Variants in SYNE3 observed in about 807,000 individuals in gnomAD.
The protein encoded by SYNE3 is nesprin-3.
Under a neutral mutation model 111.2 loss-of-function variants are expected in SYNE3, and 100 were observed. The observed-to-expected ratio is 0.90, with a 90% CI of 0.77 to 1.06. The LOEUF is 1.06. Ranked by LOEUF, SYNE3 falls within the 50% of genes least tolerant of loss-of-function variation. SYNE3 has a pLI of 0.00. For missense variants in SYNE3, 1,160 were observed against 1,240.3 expected (o/e 0.94, Z 0.97); for synonymous variants, 547 against 533.9 (o/e 1.02, Z -0.34).
chr14:95,496,036 C>G (rs913847492), intron 1 of SYNE3, among the ~76,000 whole-genome samples: 5 of 152,232 alleles, frequency 3.3e-5, no homozygotes, highest in African/African-American at 1.2e-4. Flanking sequence ...TCATTCCACT[C>G]AGAGGGGCCG....
intron 4 of SYNE3, among the ~76,000 whole-genome samples, chr14:95,461,906 G>A (rs1012876348): frequency 2.6e-5 from 4 of 152,220 alleles, no homozygotes; most frequent in African/African-American, 9.6e-5. Flanking sequence ...TTGGGATGAG[G>A]CTAGAATCTT....
Position 95,467,893 on chromosome 14 carries a change from T to C in SYNE3, c.219A>G (p.Ala73=). Residue 73 remains alanine (A), a synonymous_variant, in exon 3 of 18, where the codon GCA becomes GCG. Transcript: ENST00000682763. ...CGGGCTTCTGGTCCCCAGGGCAGCA[T>C]GCCAAGAGGGCTTCAGCCATCCGTA... The part of the protein sequence containing the change: ...LVLRMAEALL[A]CCPGDQKPGI... The C allele has an allele frequency of 1.2e-6, 2 of 1,614,238 alleles. No homozygotes were observed. Among genetic ancestry groups the C allele is most frequent in the Non-Finnish European group, 1.7e-6 (2 of 1,180,042 alleles).
rs1287135089 is a variant in SYNE3, at chr14:95,417,791, G to A, written c.*35C>T. The stretch of plus-strand genomic sequence containing the variant: ...AGGAGGGGCCCTGGGACTGATGGAG[G>A]TTGGAGGAGAAAGTCACCTGTGTGC... On this transcript the variant is annotated 3_prime_UTR_variant, in exon 18 of 18. Transcript: ENST00000682763. The A allele has an allele frequency of 1.2e-6, 2 of 1,610,530 alleles. No homozygotes were observed. The highest frequency in any genetic ancestry group is 1.7e-6 in the Non-Finnish European group (2 of 1,176,684).
intron 1 of SYNE3, among the ~76,000 whole-genome samples, chr14:95,515,887 C>T (rs1258791631): frequency 6.6e-6 from 1 of 152,180 alleles, no homozygotes; most frequent in African/African-American, 2.4e-5. Context: ...GGACACTGCT[C>T]CCGGGTTGAC....
chr14:95,427,577 CCCT>C (rs1312499711), intron 17 of SYNE3, among the ~76,000 whole-genome samples: 1 of 145,710 alleles, frequency 6.9e-6, no homozygotes, highest in Non-Finnish European at 1.5e-5. Flanking sequence ...CTCTCTCTCT[CCCT>C]CTCTCTCCCT....
chr14:95,432,654 T>TTATTAC (rs1367224379), intron 16 of SYNE3, among the ~76,000 whole-genome samples: 3 of 148,244 alleles, frequency 2.0e-5, no homozygotes, highest in Non-Finnish European at 1.5e-5. Context: ...ATTATTATTA[T>TTATTAC]TATTATTATT....
At chr14:95,488,739 A>C (rs974030713) in intron 1 of SYNE3, among the ~76,000 whole-genome samples, 1 of 148,416 alleles carries the variant, frequency 6.7e-6, no homozygotes, top group Non-Finnish European at 1.5e-5. Context: ...AGGAGAGGAG[A>C]GGAGAGGAGA....
intron 4 of SYNE3, among the ~76,000 whole-genome samples, chr14:95,461,593 C>A (rs45608034): frequency 1.3e-5 from 2 of 152,152 alleles, no homozygotes; most frequent in East Asian, 3.9e-4. Flanking sequence ...ACATGATGGA[C>A]GTCAAAAATG....
intron 1 of SYNE3, among the ~76,000 whole-genome samples, chr14:95,494,371 G>A (rs552335507): frequency 2.6e-5 from 4 of 152,344 alleles, no homozygotes; most frequent in African/African-American, 9.6e-5. Context: ...TGTGAAGGAT[G>A]AGCAGGGTCT....
intron 8 of SYNE3, among the ~76,000 whole-genome samples, chr14:95,446,396 G>A (rs1376108430): frequency 1.6e-5 from 1 of 64,318 alleles, no homozygotes; most frequent in Non-Finnish European, 3.1e-5. Flanking sequence ...CCTCTGCCCC[G>A]ACTGCAGTGC....
chr14:95,445,848 C>G, intron 9 of SYNE3, 61 bp downstream of exon 9: 3 of 1,573,818 alleles, frequency 1.9e-6, no homozygotes, highest in Non-Finnish European at 2.6e-6. Flanking sequence ...TCTGCCTCCC[C>G]AGTGGGTGCT....
rs1207548238 is a variant in SYNE3, at chr14:95,485,441, A to T, written c.-14-9606T>A. On this transcript the variant is annotated intron_variant, in intron 1 of 17. Coordinates refer to ENST00000682763, the MANE Select transcript of SYNE3 (RefSeq NM_152592.6). The surrounding 1 kb of genome is among the most constrained non-coding windows in gnomAD (Gnocchi z 4.3). ...CATTCACTTGAGAGTGAGAACGCAC[A>T]CATTCCTCAGATGCCCTGAAGGTAA... 6.6e-6 allele frequency among the ~76,000 whole-genome samples: 1 copy of T among 152,120 alleles called. No homozygotes were observed. Among genetic ancestry groups the T allele is most frequent in the East Asian group, 1.9e-4 (1 of 5,190 alleles).
At chr14:95,499,854 G>GTTTTTTTTTTTTTTTTT (rs1890259277) in intron 1 of SYNE3, among the ~76,000 whole-genome samples, 2 of 53,758 alleles carry the variant, frequency 3.7e-5, no homozygotes, top group African/African-American at 1.9e-4. Context: ...ACTAACTCTT[G>GTTTTTTTTTTTTTTTTT]TCTTTTTTTT....
Position 95,416,734 on chromosome 14 carries a change from G to A in SYNE3, c.*1092C>T, listed in dbSNP as rs1202861860. The A allele has an allele frequency of 5.3e-5, 8 of 152,380 alleles. No individual in the cohort carries two copies. Among genetic ancestry groups the A allele is most frequent in the Admixed American group, 2.0e-4 (3 of 15,282 alleles). 9.4% of individuals were successfully genotyped at this position (152,380 alleles called of 1,614,324 possible). On this transcript the variant is annotated 3_prime_UTR_variant, in exon 18 of 18. Transcript: ENST00000682763. ...GTCTTTTCTGGGAAGCGGAAGGAGA[G>A]CCCTTGAGACAGGCTGAACTCCAAA...
intron 2 of SYNE3, among the ~76,000 whole-genome samples, chr14:95,474,961 T>G (rs1262449895): frequency 6.6e-6 from 1 of 152,222 alleles, no homozygotes; most frequent in East Asian, 1.9e-4. Context: ...CATTTGCAGA[T>G]GGGAAAACTG....
intron 1 of SYNE3, among the ~76,000 whole-genome samples, chr14:95,487,990 T>C (rs1889634261): frequency 6.6e-6 from 1 of 152,168 alleles, no homozygotes; most frequent in Non-Finnish European, 1.5e-5. Context: ...ATGACCCACT[T>C]CCACTTCATA....
At chr14:95,424,679 C>A (rs1391391404) in intron 17 of SYNE3, among the ~76,000 whole-genome samples, 1 of 152,194 alleles carries the variant, frequency 6.6e-6, no homozygotes, top group African/African-American at 2.4e-5. Context: ...TGCCAGGAAC[C>A]TGCCACCAAA....
intron 11 of SYNE3, among the ~76,000 whole-genome samples, chr14:95,440,322 G>A (rs879635125): frequency 6.6e-6 from 1 of 152,230 alleles, no homozygotes; most frequent in Non-Finnish European, 1.5e-5. Flanking sequence ...GTGAGGGTGG[G>A]GGAAATTGGA....
chr14:95,510,646 G>A (rs569263462), intron 1 of SYNE3, among the ~76,000 whole-genome samples: 2 of 152,266 alleles, frequency 1.3e-5, no homozygotes, highest in East Asian at 3.9e-4. Flanking sequence ...AAACTAGCTG[G>A]GCGTGGTGGC....
Sources: gnomAD v4.1 joint callset for allele counts (sites outside exome capture counted in the v4.1 genomes callset) on GRCh38, gnomAD v4.1.1 for gene constraint, Gnocchi (gnomAD v3.1) non-coding constraint, MANE v1.5 for transcripts, NCBI Gene and HGNC (gene_info 2026-07-23, HGNC 2026-07-21) for gene names.